The following LRCOL1 variants were observed in gnomAD, a reference collection of about 807,000 sequenced individuals.
The protein encoded by LRCOL1 is leucine rich colipase like 1.
Under a neutral mutation model 21.6 loss-of-function variants are expected in LRCOL1, and 21 were observed. The observed-to-expected ratio is 0.97, with a 90% CI of 0.69 to 1.40. The LOEUF (loss-of-function observed/expected upper bound fraction) is 1.40. Among genes scored for constraint, LRCOL1 ranks in the 40% most tolerant of loss-of-function variants. LRCOL1 has a pLI of 0.00. For missense variants in LRCOL1, 198 were observed against 202.3 expected (o/e 0.98, Z 0.13); for synonymous variants, 98 against 90.1 (o/e 1.09, Z -0.49).
At chr12:132,603,446 G>A (rs1409496136) in intron 5 of LRCOL1, 42 bp from the exon 6 acceptor site, 4 of 1,536,094 alleles carry the variant, frequency 2.6e-6, no homozygotes, top group Non-Finnish European at 3.5e-6. Flanking sequence ...CAGGGGACGG[G>A]CCTCGAAGCG....
chr12:132,603,730 C>T (rs2041258712), intron 5 of LRCOL1: 2 of 985,436 alleles, frequency 2.0e-6, no homozygotes, highest in Non-Finnish European at 1.2e-6. Flanking sequence ...CCAGCAAACA[C>T]GCACTTGCGC....
At chr12:132,603,969 G>T in intron 5 of LRCOL1, 1 of 1,278,492 alleles carries the variant, frequency 7.8e-7, no homozygotes, top group Non-Finnish European at 9.9e-7. Flanking sequence ...CACGGGGGAT[G>T]GTCCTGGGTC....
At position 132,606,850 on chromosome 12, in the gene LRCOL1, G is replaced by A. The variant is rs1435819799; in HGVS notation, c.-13-586C>T. On this transcript the variant is annotated intron_variant, in intron 1 of 5. Coordinates refer to ENST00000376608, the MANE Select transcript of LRCOL1 (RefSeq NM_001195520.2). The surrounding 1 kb of genome is among the most constrained non-coding windows in gnomAD (Gnocchi z 4.6). ...ATTTAAGGTTCCTCTGTGGCTTTTCGTGGCATAATGACTCATTTCTTTTTA... is the reference window on the plus strand; with the variant it reads ...ATTTAAGGTTCCTCTGTGGCTTTTCATGGCATAATGACTCATTTCTTTTTA... Among the ~76,000 whole-genome samples, 1 of 152,038 alleles carries A rather than the reference G, an allele frequency of 6.6e-6. No individual in the cohort carries two copies. Among genetic ancestry groups the A allele is most frequent in the Non-Finnish European group, 1.5e-5 (1 of 67,984 alleles).
chr12:132,606,362 G>T lies in LRCOL1; in HGVS notation c.-13-98C>A. ...CCCCACTCCCTTCCCATCCCTTCCC[G>T]ATCCTTTCTCTTGCAAGACAGACTT... is the stretch of plus-strand genomic sequence containing the variant. On this transcript the variant is annotated intron_variant, in intron 1 of 5. Transcript: ENST00000376608. This position sits in a 1 kb window ranked among gnomAD's most constrained non-coding sequence, Gnocchi z 4.6. 1 of 990,306 alleles carries T rather than the reference G, an allele frequency of 1.0e-6. No homozygotes were observed. Among genetic ancestry groups the T allele is most frequent in the Non-Finnish European group, 1.5e-6 (1 of 683,138 alleles). The allele number at this position is 990,306 out of a possible 1,614,324, so 61.3% of individuals were successfully genotyped here.
Position 132,603,363 on chromosome 12 carries a change from G to A in LRCOL1, c.*39C>T. On this transcript the variant is annotated 3_prime_UTR_variant, in exon 6 of 6. Transcript: ENST00000376608. ...ACGCGGTCCTGCGTGAACATCCCAG[G>A]GCCCAGGCCGGTCCCTCGCGCCCAG... 1 of 1,536,106 alleles carries A rather than the reference G, an allele frequency of 6.5e-7. No individual in the cohort carries two copies. Among genetic ancestry groups the A allele is most frequent in the Non-Finnish European group, 8.7e-7 (1 of 1,146,840 alleles).
intron 1 of LRCOL1, among the ~76,000 whole-genome samples, chr12:132,607,930 TCTCTCCCTCTCTTTCTCTGC>T: frequency 6.6e-6 from 1 of 150,852 alleles, no homozygotes; most frequent in East Asian, 1.9e-4. Flanking sequence ...TCTCTCTCTG[TCTCTCCCTCTCTTTCTCTGC>T]CTCTCCCTCT....
Position 132,604,353 on chromosome 12 carries a change from G to A in LRCOL1, c.378C>T (p.Ser126=), listed in dbSNP as rs2138300999. 1 of 1,535,800 alleles carries A rather than the reference G, an allele frequency of 6.5e-7. No homozygotes were observed. The highest frequency in any genetic ancestry group is 8.7e-7 in the Non-Finnish European group (1 of 1,146,736). ...AGCACTGGCTGTGACACTCCTGATG[G>A]CTGCTGCAGAAGTCGCCGTTGGGCT... ...WRKPNGDFCS[S]HQECHSQCCI... is the part of the protein sequence containing the mutation. The change falls in exon 5 of 6, where the codon AGC becomes AGT. Residue 126 remains serine (S), a synonymous_variant. Coordinates refer to ENST00000376608, the MANE Select transcript of LRCOL1 (RefSeq NM_001195520.2).
At chr12:132,604,129 G>T (rs2041266958) in intron 5 of LRCOL1, 125 bp downstream of exon 5, 1 of 1,438,936 alleles carries the variant, frequency 6.9e-7, no homozygotes. Context: ...TCCCAGCAGG[G>T]GTGCCTGGGT....
intron 1 of LRCOL1, among the ~76,000 whole-genome samples, 164 bp downstream of exon 1, chr12:132,610,159 G>A (rs2041355007): frequency 6.6e-6 from 1 of 152,226 alleles, no homozygotes; most frequent in African/African-American, 2.4e-5. Context: ...CCCCGGCCGA[G>A]GGCAGAGCTG....
At chr12:132,607,950 C>CCTCTCCCTCTCTCTGT (rs1397411713) in intron 1 of LRCOL1, among the ~76,000 whole-genome samples, 1 of 122,062 alleles carries the variant, frequency 8.2e-6, no homozygotes, top group Non-Finnish European at 1.8e-5. Context: ...TCTTTCTCTG[C>CCTCTCCCTCTCTCTGT]CTCTCCCTCT....
chr12:132,603,714 T>C (rs1168075909), intron 5 of LRCOL1: 1 of 985,300 alleles, frequency 1.0e-6, no homozygotes, highest in African/African-American at 1.7e-5. Context: ...ACGGGAGCTC[T>C]GGGCTCCAGC....
intron 5 of LRCOL1, chr12:132,603,741 C>G: frequency 1.0e-6 from 1 of 985,432 alleles, no homozygotes; most frequent in Non-Finnish European, 1.2e-6. Flanking sequence ...GCACTTGCGC[C>G]CCCACCGCGT....
intron 5 of LRCOL1, 127 bp downstream of exon 5, chr12:132,604,126 AG>A (rs2041266875): frequency 7.0e-7 from 1 of 1,437,348 alleles, no homozygotes; most frequent in African/African-American, 1.4e-5. Flanking sequence ...CTCTCCCAGC[AG>A]GGGTGCCTGG....
Position 132,604,235 on chromosome 12 carries a change from GC to G in LRCOL1, c.477+18del. 1 of 1,520,882 alleles carries G rather than the reference GC, an allele frequency of 6.6e-7. No individual in the cohort carries two copies. The highest frequency in any genetic ancestry group is 1.4e-5 in the African/African-American group (1 of 72,944). The allele number at this position is 1,520,882 out of a possible 1,614,324, so 94.2% of individuals were successfully genotyped here. ...GGCCAAGGGAGGGCCTGGAGGCTGA[GC>G]CCCCGCCCGGGACTTACCAGGGGCA... is the stretch of plus-strand genomic sequence containing the variant. On this transcript the variant is annotated intron_variant, in intron 5 of 5. Transcript: ENST00000376608.
At chr12:132,603,535 G>A (rs1256999109) in intron 5 of LRCOL1, 131 bp from the exon 6 acceptor site, 2 of 1,513,370 alleles carry the variant, frequency 1.3e-6, no homozygotes, top group Non-Finnish European at 1.8e-6. Flanking sequence ...AGCACCCAGA[G>A]GCCGACGCCC....
chr12:132,603,700 C>T, intron 5 of LRCOL1: 1 of 985,488 alleles, frequency 1.0e-6, no homozygotes, highest in Non-Finnish European at 1.2e-6. Flanking sequence ...CCCTTTCACC[C>T]CAGACGGGAG....
rs1204934292 is a variant in LRCOL1 at position 132,606,196 on chromosome 12, CCCAGCAGCAGCAGCAGCA to C, written c.38_55del (p.Leu13_Gly19delinsArg). 2.0e-6 allele frequency: 3 copies of C among 1,536,572 alleles called. No homozygotes were observed. The highest frequency in any genetic ancestry group is 8.7e-7 in the Non-Finnish European group (1 of 1,146,898). ...CTGTGGCCCATACCCTGCCATGGAC[CCCAGCAGCAGCAGCAGCA>C]GCAGCAGTAGCAGCAGCGTCCACCC... On this transcript the variant is annotated inframe_deletion, in exon 2 of 6. Transcript: ENST00000376608. This position sits in a 1 kb window ranked among gnomAD's most constrained non-coding sequence, Gnocchi z 4.6.
At position 132,604,561 on chromosome 12, in the gene LRCOL1, G is replaced by A. The variant is rs771341213; in HGVS notation, c.255C>T (p.His85=). ...AGCAGCTGCTCTGGCACTCTGAGTC[G>A]TGCGAGCATCTGTACCCATTGGGCT... is the stretch of plus-strand genomic sequence containing the variant. The part of the protein sequence containing the change: ...WRKPNGYRCS[H]DSECQSSCCV... The change falls in exon 4 of 6, where the codon CAC becomes CAT. Residue 85 remains histidine, a synonymous_variant. Coordinates refer to ENST00000376608, the MANE Select transcript of LRCOL1 (RefSeq NM_001195520.2). The A allele has an allele frequency of 3.8e-5, 59 of 1,535,964 alleles. No individual in the cohort carries two copies. The highest frequency in any genetic ancestry group is 1.7e-4 in the East Asian group (7 of 40,898).
At chr12:132,603,985 C>T (rs2041263883) in intron 5 of LRCOL1, 1 of 1,324,786 alleles carries the variant, frequency 7.5e-7, no homozygotes, top group East Asian at 3.1e-5. Flanking sequence ...GGGTCCCCCT[C>T]CCCGCGGCTC....
Sources: gnomAD v4.1 joint callset for allele counts (sites outside exome capture counted in the v4.1 genomes callset) on GRCh38, gnomAD v4.1.1 for gene constraint, Gnocchi (gnomAD v3.1) non-coding constraint, MANE v1.5 for transcripts, NCBI Gene and HGNC (gene_info 2026-07-23, HGNC 2026-07-21) for gene names.